Variants in DNAH6 observed in about 807,000 individuals in gnomAD.
DNAH6 encodes the protein axonemal beta dynein heavy chain 6.
In DNAH6, 340 loss-of-function variants were observed where a neutral mutation model predicts 491.4. The ratio of observed to expected loss-of-function variants is 0.69; its 90% CI spans 0.63 to 0.76. The LOEUF (loss-of-function observed/expected upper bound fraction) is 0.76. DNAH6 is among the 30% of genes least tolerant of loss of function. The pLI, the probability that DNAH6 is intolerant of heterozygous loss-of-function variation, is 0.00. For missense variants in DNAH6, 4,443 were observed against 4,972.2 expected, an observed-to-expected ratio of 0.89 and a Z score of 3.20; for synonymous variants, 1,603 against 1,686.1, an observed-to-expected ratio of 0.95 and a Z score of 1.21.
intron 64 of DNAH6, among the ~76,000 whole-genome samples, chr2:84,763,256 G>A (rs1312546109): frequency 6.6e-6 from 1 of 152,070 alleles, no homozygotes; most frequent in East Asian, 1.9e-4. Context: ...AGGTACTGCA[G>A]TTTACTCTCT....
At chr2:84,754,889 A>C (rs1186124657) in intron 63 of DNAH6, among the ~76,000 whole-genome samples, 1 of 152,216 alleles carries the variant, frequency 6.6e-6, no homozygotes, top group Non-Finnish European at 1.5e-5. Flanking sequence ...TTACCTCTTA[A>C]CAACATTAAG....
At chr2:84,631,346 T>C (rs1234692986) in intron 29 of DNAH6, among the ~76,000 whole-genome samples, 1 of 152,194 alleles carries the variant, frequency 6.6e-6, no homozygotes, top group Non-Finnish European at 1.5e-5. Context: ...ATAATGTTAT[T>C]ATTATATCCA....
intron 62 of DNAH6, among the ~76,000 whole-genome samples, chr2:84,742,136 G>C (rs723134): frequency 6.6e-6 from 1 of 152,118 alleles, no homozygotes; most frequent in Non-Finnish European, 1.5e-5. Context: ...GAGGCAGCAC[G>C]CAATACCTGC....
At chr2:84,684,555 T>A (rs1016860783) in intron 42 of DNAH6, among the ~76,000 whole-genome samples, 1 of 152,176 alleles carries the variant, frequency 6.6e-6, no homozygotes, top group Admixed American at 6.5e-5. Flanking sequence ...AACACCAATG[T>A]GAGATGCAAA....
intron 37 of DNAH6, among the ~76,000 whole-genome samples, chr2:84,667,132 A>C (rs1469351838): frequency 1.3e-5 from 2 of 152,212 alleles, no homozygotes; most frequent in African/African-American, 2.4e-5. Context: ...TTAGACCTAA[A>C]ACCATAAAAA....
intron 69 of DNAH6, among the ~76,000 whole-genome samples, 170 bp downstream of exon 69, chr2:84,796,595 A>C (rs940825651): frequency 2.0e-5 from 3 of 152,230 alleles, no homozygotes; most frequent in African/African-American, 7.2e-5. Flanking sequence ...GTAGGATCAC[A>C]GAGATACATA....
At chr2:84,806,864 G>A (rs573891618) in intron 71 of DNAH6, among the ~76,000 whole-genome samples, 3 of 152,244 alleles carry the variant, frequency 2.0e-5, no homozygotes, top group African/African-American at 7.2e-5. Flanking sequence ...CTAGAAGCAG[G>A]CCCTCAAGAG....
intron 61 of DNAH6, among the ~76,000 whole-genome samples, chr2:84,728,617 A>G (rs1698862625): frequency 6.6e-6 from 1 of 152,234 alleles, no homozygotes; most frequent in Admixed American, 6.5e-5. Flanking sequence ...TAATTCACAG[A>G]TTTAGCAATA....
chr2:84,779,832 G>A lies in DNAH6; in HGVS notation c.10704-1661G>A, dbSNP rs573444381. On this transcript the variant is annotated intron_variant, in intron 64 of 76. Coordinates refer to ENST00000389394, the MANE Select transcript of DNAH6 (RefSeq NM_001370.2). ...AATCTTTTGTAACGCTAGTCTAGTG[G>A]TAAAGAATTGCCTTAGCAATTGCTT... is the stretch of plus-strand genomic sequence containing the variant. Among the ~76,000 whole-genome samples the A allele has an allele frequency of 1.2e-4, 19 of 152,196 alleles. No homozygotes were observed. The East Asian group carries it at 3.3e-3, about 26-fold the overall frequency.
chr2:84,629,699 A>G (rs999370075), intron 29 of DNAH6, among the ~76,000 whole-genome samples: 1 of 152,192 alleles, frequency 6.6e-6, no homozygotes, highest in African/African-American at 2.4e-5. Flanking sequence ...CAGCCTAAAA[A>G]TAGTGATCAC....
intron 55 of DNAH6, 73 bp from the exon 56 acceptor site, chr2:84,710,214 T>C: frequency 6.7e-7 from 1 of 1,498,978 alleles, no homozygotes; most frequent in South Asian, 1.3e-5. Context: ...CCACACTTTC[T>C]TCTAAAGCTT....
intron 16 of DNAH6, among the ~76,000 whole-genome samples, chr2:84,592,754 G>A (rs772620437): frequency 1.2e-4 from 18 of 152,182 alleles, no homozygotes; most frequent in Non-Finnish European, 2.4e-4. Flanking sequence ...ACTCAGCCTC[G>A]CAAAATAAGA....
the DNAH6 span, among the ~76,000 whole-genome samples, chr2:84,489,960 A>G: frequency 2.6e-5 from 4 of 152,334 alleles, no homozygotes; most frequent in East Asian, 5.8e-4. Flanking sequence ...GAGACTCACT[A>G]TCAACAGATG....
chr2:84,764,767 T>C (rs990548637), intron 64 of DNAH6, among the ~76,000 whole-genome samples: 1 of 152,292 alleles, frequency 6.6e-6, no homozygotes, highest in East Asian at 1.9e-4. Context: ...TATTATTCTT[T>C]TTTATGACTG....
chr2:84,666,119 T>C (rs1261451265), intron 37 of DNAH6, among the ~76,000 whole-genome samples: 2 of 152,152 alleles, frequency 1.3e-5, no homozygotes, highest in Admixed American at 6.6e-5. Flanking sequence ...GTAACAGCTA[T>C]TTATGACAAA....
At chr2:84,642,109 T>TA in intron 33 of DNAH6, 55 bp downstream of exon 33, 1 of 1,113,222 alleles carries the variant, frequency 9.0e-7, no homozygotes. Context: ...AGGCAAATGG[T>TA]AGTCTTTTCT....
At chr2:84,708,023 A>G (rs1023730528) in intron 54 of DNAH6, among the ~76,000 whole-genome samples, 1 of 152,216 alleles carries the variant, frequency 6.6e-6, no homozygotes, top group Non-Finnish European at 1.5e-5. Flanking sequence ...CACAAGTGGC[A>G]TGTAAAGCCA....
In DNAH6 at chr2:84,709,322, T is replaced by A. The variant is rs1046962100; in HGVS notation, c.9049-21T>A. The A allele has an allele frequency of 3.2e-6, 5 of 1,551,162 alleles. No homozygotes were observed. In the Admixed American group the frequency reaches 7.8e-5, roughly 24 times the overall value. On this transcript the variant is annotated intron_variant, in intron 54 of 76. Coordinates refer to ENST00000389394, the MANE Select transcript of DNAH6 (RefSeq NM_001370.2). ...CTGAGTGTTCCTGACTCTACTCAAG[T>A]AAGCTTTCCCCCTTCTACAGCTTAT...
Position 84,709,386 on chromosome 2 carries a change from C to T in DNAH6, c.9092C>T (p.Pro3031Leu), listed in dbSNP as rs1204190493. 6.4e-7 allele frequency: 1 copy of T among 1,551,648 alleles called. No homozygotes were observed. Among genetic ancestry groups the T allele is most frequent in the East Asian group, 2.4e-5 (1 of 40,912 alleles). The change falls in exon 55 of 77, where the codon CCA (proline) becomes CTA (leucine). Residue 3031 changes from proline (P) to leucine (L), a missense_variant. By Grantham distance (98) the Pro-to-Leu change is moderately conservative. Around this residue, in one of 3 missense-constraint regions of DNAH6, gnomAD observed 1,463 missense variants for 1,656.6 expected, o/e 0.88. Coordinates refer to ENST00000389394, the MANE Select transcript of DNAH6 (RefSeq NM_001370.2). ...WIQDCQSLEI[P>L]IDPSFSLINI... Reference sequence around the variant, plus strand: ...CAGGACTGTCAGTCTCTGGAGATCCCAATCGATCCTTCCTTCAGTCTCATT... The same window carrying T: ...CAGGACTGTCAGTCTCTGGAGATCCTAATCGATCCTTCCTTCAGTCTCATT...
Sources: allele counts gnomAD v4.1 joint callset (sites outside exome capture counted in the v4.1 genomes callset), GRCh38; gene constraint gnomAD v4.1.1; regional missense constraint gnomAD v4.1.1; transcripts MANE v1.5; gene names NCBI Gene and HGNC (gene_info 2026-07-23, HGNC 2026-07-21).